Variants in HSD17B4 observed in about 807,000 individuals in gnomAD.
HSD17B4 encodes the protein hydroxysteroid 17-beta dehydrogenase 4.
HSD17B4 carries 70 observed loss-of-function variants against 101.0 expected under a neutral mutation model. The ratio of observed to expected loss-of-function variants is 0.69; its 90% confidence interval spans 0.57 to 0.85. The LOEUF is 0.85. Ranked by LOEUF, HSD17B4 falls within the 40% of genes least tolerant of loss-of-function variation. The pLI, the probability that HSD17B4 is intolerant of heterozygous loss-of-function variation, is 0.00. For missense variants in HSD17B4, 984 were observed against 892.4 expected (o/e 1.10, Z -1.31); for synonymous variants, 347 against 297.1 (o/e 1.17, Z -1.73).
At chr5:119,459,904 T>A (rs1755048361) in intron 2 of HSD17B4, among the ~76,000 whole-genome samples, 1 of 149,896 alleles carries the variant, frequency 6.7e-6, no homozygotes, top group Non-Finnish European at 1.5e-5. Context: ...GGAGTCTCCC[T>A]CTTTTGCCCA....
intron 8 of HSD17B4, among the ~76,000 whole-genome samples, chr5:119,486,535 T>A (rs1182969602): frequency 6.6e-6 from 1 of 152,152 alleles, no homozygotes; most frequent in Non-Finnish European, 1.5e-5. Flanking sequence ...TTGTTTTTGA[T>A]CTTTATGACA....
rs1369305726 is a variant in HSD17B4, at chr5:119,506,890, G to C, written c.1333+1G>C. The C allele has an allele frequency of 2.1e-6, 3 of 1,446,350 alleles. No homozygotes were observed. The highest frequency in any genetic ancestry group is 2.9e-6 in the Non-Finnish European group (3 of 1,028,926). 89.6% of individuals were successfully genotyped at this position (1,446,350 alleles called of 1,614,324 possible). The stretch of plus-strand genomic sequence containing the variant: ...TCCGGTGTAGTGATTATTATGGATG[G>C]TAATTTATTTACAATTCTTATAATA... On this transcript the variant is annotated splice_donor_variant, in intron 15 of 23. Coordinates refer to ENST00000510025, the MANE Select transcript of HSD17B4 (RefSeq NM_000414.4). LOFTEE classifies it high-confidence loss of function.
chr5:119,479,118 T>G, intron 8 of HSD17B4, 97 bp downstream of exon 8: 11 of 923,120 alleles, frequency 1.2e-5, no homozygotes, highest in Non-Finnish European at 1.9e-5. Flanking sequence ...ACTTAAAAAT[T>G]ATTATTTTTT....
chr5:119,539,104 C>A (rs538811150), intron 23 of HSD17B4, among the ~76,000 whole-genome samples: 16 of 151,572 alleles, frequency 1.1e-4, no homozygotes, highest in African/African-American at 3.1e-4. Context: ...TTCCATAAAT[C>A]GAGGGAAAAA....
intron 1 of HSD17B4, among the ~76,000 whole-genome samples, chr5:119,455,405 T>C (rs1561422614): frequency 1.3e-5 from 2 of 152,046 alleles, no homozygotes; most frequent in East Asian, 3.9e-4. Context: ...TAGTCCCAGC[T>C]ACTCGCGAGG....
Position 119,452,536 on chromosome 5 carries a change from G to T in HSD17B4, c.-40G>T. 22 of 1,613,654 alleles carry T rather than the reference G, an allele frequency of 1.4e-5. No individual in the cohort carries two copies. The highest frequency in any genetic ancestry group is 1.9e-5 in the Non-Finnish European group (22 of 1,179,982). On this transcript the variant is annotated 5_prime_UTR_variant, in exon 1 of 24. Coordinates refer to ENST00000510025, the MANE Select transcript of HSD17B4 (RefSeq NM_000414.4). ...CCTGTCCCGCAGTCGGCGTCCAGCG[G>T]CTCTGCTTGTTCGTGTGTGTGTCGT...
rs1754154087 is a variant in HSD17B4, at chr5:119,452,583, C to T, written c.8C>T (p.Ser3Leu). 1.2e-6 allele frequency: 2 copies of T among 1,613,898 alleles called. No homozygotes were observed. Among genetic ancestry groups the T allele is most frequent in the African/African-American group, 2.7e-5 (2 of 74,924 alleles). MG[S>L]PLRFDGRVVL... ...TCGTTGCAGGCCTTATTCATGGGCTCACCGCTGAGGTTCGACGGGCGGGTG... is the reference window on the plus strand; with the variant it reads ...TCGTTGCAGGCCTTATTCATGGGCTTACCGCTGAGGTTCGACGGGCGGGTG... Residue 3 changes from serine to leucine, a missense_variant, in exon 1 of 24, where the codon TCA becomes TTA. Transcript: ENST00000510025.
At chr5:119,456,217 A>G (rs1413260594) in intron 1 of HSD17B4, 98 bp from the exon 2 acceptor site, 1 of 789,036 alleles carries the variant, frequency 1.3e-6, no homozygotes, top group Non-Finnish European at 2.3e-6. Flanking sequence ...AATGTAATTA[A>G]TTGTTCACCA....
At chr5:119,533,286 T>A (rs1370244900) in intron 22 of HSD17B4, among the ~76,000 whole-genome samples, 1 of 34,592 alleles carries the variant, frequency 2.9e-5, no homozygotes, top group Admixed American at 3.5e-4. Flanking sequence ...ATTGACAGGA[T>A]GCCTTTTTTT....
At chr5:119,475,982 T>TA in intron 6 of HSD17B4, 112 bp downstream of exon 6, 1 of 777,126 alleles carries the variant, frequency 1.3e-6, no homozygotes, top group South Asian at 1.5e-5. Flanking sequence ...CTTTTGCTGC[T>TA]AATATAAATG....
At position 119,493,849 on chromosome 5, in the gene HSD17B4, A is replaced by G. The variant is rs1350044744; in HGVS notation, c.771A>G (p.Val257=). 1.2e-6 allele frequency: 2 copies of G among 1,612,946 alleles called. No homozygotes were observed. The highest frequency in any genetic ancestry group is 1.1e-5 in the South Asian group (1 of 91,078). ...GGGAGCGGACTCTTGGAGCTATTGT[A>G]AGACAAAAGAATCACCCAATGACTC... ...LRWERTLGAI[V]RQKNHPMTPE... Residue 257 remains valine (V), a synonymous_variant, in exon 11 of 24, where the codon GTA becomes GTG. Transcript: ENST00000510025.
chr5:119,519,962 G>C (rs910718134), intron 17 of HSD17B4, among the ~76,000 whole-genome samples: 1 of 152,078 alleles, frequency 6.6e-6, no homozygotes, highest in East Asian at 1.9e-4. Context: ...GGTCCCACTC[G>C]CAGCTCCAGA....
At chr5:119,507,521 C>T (rs111752200) in intron 15 of HSD17B4, among the ~76,000 whole-genome samples, 3 of 152,050 alleles carry the variant, frequency 2.0e-5, no homozygotes, top group South Asian at 2.1e-4. Flanking sequence ...CGGTGGCTCA[C>T]GCCTGTAATC....
chr5:119,454,456 C>A lies in HSD17B4; in HGVS notation c.58+1823C>A, dbSNP rs535582242. On this transcript the variant is annotated intron_variant, in intron 1 of 23. Transcript: ENST00000510025. ...GACTAGCTAGGACTGTAGGCATGTG[C>A]CACCACGCCCAGCTAATTTTTAAAT... is the stretch of plus-strand genomic sequence containing the variant. 2.0e-5 allele frequency among the ~76,000 whole-genome samples: 3 copies of A among 152,054 alleles called. No homozygotes were observed. In the South Asian group the frequency reaches 6.3e-4, roughly 32 times the overall value.
intron 16 of HSD17B4, among the ~76,000 whole-genome samples, chr5:119,514,191 A>G (rs1036023964): frequency 1.5e-4 from 23 of 151,934 alleles, no homozygotes; most frequent in African/African-American, 4.8e-4. Context: ...AGAAGCAGCA[A>G]CTTCCCTCAT....
intron 16 of HSD17B4, among the ~76,000 whole-genome samples, chr5:119,512,075 T>G (rs185864514): frequency 1.3e-5 from 2 of 152,006 alleles, no homozygotes; most frequent in African/African-American, 4.8e-5. Flanking sequence ...AGATGAAAAA[T>G]TTACTGTTGA....
chr5:119,498,003 A>G (rs1300049171), intron 12 of HSD17B4, among the ~76,000 whole-genome samples: 1 of 152,222 alleles, frequency 6.6e-6, no homozygotes, highest in East Asian at 1.9e-4. Context: ...AACTATTTCA[A>G]CATGGCTGCA....
At chr5:119,467,470 C>G (rs956526071) in intron 2 of HSD17B4, among the ~76,000 whole-genome samples, 3 of 152,114 alleles carry the variant, frequency 2.0e-5, no homozygotes, top group Non-Finnish European at 1.5e-5. Context: ...TCTGGGTGTT[C>G]CAGTGTTGGG....
chr5:119,455,250 G>A (rs1754494837), intron 1 of HSD17B4, among the ~76,000 whole-genome samples: 1 of 152,154 alleles, frequency 6.6e-6, no homozygotes, highest in Non-Finnish European at 1.5e-5. Flanking sequence ...GGATGGTGGT[G>A]GCTCACGCCT....
Sources: allele counts gnomAD v4.1 joint callset (sites outside exome capture counted in the v4.1 genomes callset), GRCh38; gene constraint gnomAD v4.1.1; transcripts MANE v1.5; gene names NCBI Gene and HGNC (gene_info 2026-07-23, HGNC 2026-07-21).